The following PIGN variants were observed in gnomAD, a reference collection of about 807,000 sequenced individuals.
PIGN encodes phosphatidylinositol glycan anchor biosynthesis class N, also known as GPI ethanolamine phosphate transferase 1.
PIGN carries 117 observed loss-of-function variants against 125.4 expected under a neutral mutation model. That is an observed-to-expected ratio of 0.93 (90% CI 0.80 to 1.09). PIGN has a LOEUF of 1.09. Ranked by LOEUF, PIGN falls within the 50% of genes least tolerant of loss-of-function variation. The pLI is 0.00. For missense variants in PIGN, 1,075 were observed against 1,094.9 expected (o/e 0.98, Z 0.26); for synonymous variants, 392 against 377.8 (o/e 1.04, Z -0.44).
At chr18:62,134,264 G>A (rs1019676217) in intron 14 of PIGN, among the ~76,000 whole-genome samples, 3 of 152,024 alleles carry the variant, frequency 2.0e-5, no homozygotes, top group African/African-American at 7.2e-5. Context: ...GTGGTGGCGT[G>A]CTTGTAAGCC....
chr18:62,144,361 T>C (rs776174386), intron 10 of PIGN, among the ~76,000 whole-genome samples: 1 of 152,234 alleles, frequency 6.6e-6, no homozygotes, highest in Non-Finnish European at 1.5e-5. Flanking sequence ...GCTTTAATGA[T>C]AGAGCACTGC....
intron 22 of PIGN, among the ~76,000 whole-genome samples, chr18:62,100,521 TG>T (rs1599519366): frequency 6.6e-6 from 1 of 152,240 alleles, no homozygotes; most frequent in Admixed American, 6.5e-5. Flanking sequence ...GCTCAAAACT[TG>T]CTCTTGTCTT....
chr18:62,048,491 T>A (rs1176873593), intron 30 of PIGN, among the ~76,000 whole-genome samples: 3 of 152,034 alleles, frequency 2.0e-5, no homozygotes, highest in Non-Finnish European at 4.4e-5. Context: ...ACAGCAGATT[T>A]CTCATCAGAA....
intron 14 of PIGN, chr18:62,136,995 T>C (rs1216656214): frequency 2.5e-6 from 1 of 397,852 alleles, no homozygotes; most frequent in Non-Finnish European, 4.4e-6. Context: ...GGATGTAAAG[T>C]ATTGTTCCTG....
chr18:62,047,456 T>C (rs762773704), intron 30 of PIGN, among the ~76,000 whole-genome samples: 1 of 152,092 alleles, frequency 6.6e-6, no homozygotes, highest in Non-Finnish European at 1.5e-5. Flanking sequence ...CACTCAGAGG[T>C]AGAAAGGCCA....
chr18:62,073,479 T>C (rs113617467), intron 29 of PIGN, among the ~76,000 whole-genome samples: 18 of 152,212 alleles, frequency 1.2e-4, no homozygotes, highest in African/African-American at 1.7e-4. Context: ...TAAGAGAAGA[T>C]GTCAATCAAA....
intron 12 of PIGN, 65 bp downstream of exon 12, chr18:62,140,355 G>T: frequency 5.7e-6 from 4 of 703,540 alleles, no homozygotes; most frequent in Non-Finnish European, 9.5e-6. Context: ...ATAAAAAAGA[G>T]TACATTTTAC....
chr18:62,138,520 A>G (rs1029760519), intron 13 of PIGN, among the ~76,000 whole-genome samples: 1 of 152,202 alleles, frequency 6.6e-6, no homozygotes, highest in Non-Finnish European at 1.5e-5. Context: ...GCAAAGTAAC[A>G]TACTGTAATT....
intron 14 of PIGN, among the ~76,000 whole-genome samples, chr18:62,130,931 G>A (rs1942439): frequency 0.76 from 115,327 of 152,060 alleles, 43,871 homozygotes; most frequent in East Asian, 0.91. Context: ...ATATAGAATC[G>A]TATCACCCTT....
At position 62,074,799 on chromosome 18, in the gene PIGN, T is replaced by C. The variant is rs1325419048; in HGVS notation, c.2599A>G (p.Ile867Val). The stretch of plus-strand genomic sequence containing the variant: ...CTTACCAAAGCCATAATGTCTGATA[T>C]GACGAGAACAATGAGAAAAAGGCTG... ...SKSLFLIVLVISDIMALHFFF... is the reference protein window; with the variant it reads ...SKSLFLIVLVVSDIMALHFFF... The change falls in exon 29 of 31, where the codon ATA becomes GTA. Residue 867 changes from isoleucine (I) to valine (V), a missense_variant. Ile to Val is a conservative substitution (Grantham distance 29). Coordinates refer to ENST00000640252, the MANE Select transcript of PIGN (RefSeq NM_176787.5). 1 of 1,606,576 alleles carries C rather than the reference T, an allele frequency of 6.2e-7. No individual in the cohort carries two copies. Among genetic ancestry groups the C allele is most frequent in the Non-Finnish European group, 8.5e-7 (1 of 1,174,392 alleles).
At chr18:62,146,621 G>A (rs1275745671) in intron 9 of PIGN, among the ~76,000 whole-genome samples, 1 of 152,116 alleles carries the variant, frequency 6.6e-6, no homozygotes, top group Non-Finnish European at 1.5e-5. Context: ...GCTTACCCGG[G>A]ACAGAATTTC....
chr18:62,133,483 T>C (rs2035813902), intron 14 of PIGN, among the ~76,000 whole-genome samples: 1 of 152,234 alleles, frequency 6.6e-6, no homozygotes, highest in Non-Finnish European at 1.5e-5. Flanking sequence ...GAATTTATTT[T>C]TGATATAAAT....
intron 30 of PIGN, chr18:62,052,222 T>C (rs1159265797): frequency 6.6e-6 from 1 of 151,922 alleles, no homozygotes; most frequent in African/African-American, 2.4e-5. Flanking sequence ...TTAGGTCCAC[T>C]TGGTGCAGAG....
chr18:62,040,344 G>A (rs2030337490), downstream of PIGN, among the ~76,000 whole-genome samples: 1 of 152,170 alleles, frequency 6.6e-6, no homozygotes. Context: ...TGTCTCTACA[G>A]GCTTCTCTTG....
chr18:62,065,920 G>C (rs2032492279), intron 30 of PIGN, among the ~76,000 whole-genome samples: 1 of 152,096 alleles, frequency 6.6e-6, no homozygotes. Flanking sequence ...GGATGCTGCA[G>C]CCAAGGAAAA....
intron 25 of PIGN, among the ~76,000 whole-genome samples, chr18:62,085,950 C>G (rs185912420): frequency 1.4e-4 from 21 of 152,210 alleles, no homozygotes; most frequent in Admixed American, 3.3e-4. Context: ...TGAGGCAACG[C>G]CGAAGAGGAA....
chr18:62,096,028 C>G (rs1220482130), intron 22 of PIGN, 78 bp from the exon 23 acceptor site: 2 of 826,470 alleles, frequency 2.4e-6, no homozygotes, highest in Admixed American at 2.1e-5. Context: ...GGCGTGGTGG[C>G]TCACACCTGT....
Position 62,062,882 on chromosome 18 carries a change from C to CTTTTTTTTTTTTTT in PIGN, c.2672+9777_2672+9790dup, listed in dbSNP as rs71160811. ...ATTTGTTTTATGCTTTTGTATTCTGCTTTTTTTTTTTTTTTTTTTTTTTTT... is the reference window on the plus strand; with the variant it reads ...ATTTGTTTTATGCTTTTGTATTCTGCTTTTTTTTTTTTTTTTTTTTTTTTTTTTTTTTTTTTTTT... On this transcript the variant is annotated intron_variant, in intron 30 of 30. Transcript: ENST00000640252. 4.7e-4 allele frequency among the ~76,000 whole-genome samples: 10 copies of CTTTTTTTTTTTTTT among 21,066 alleles called. 2 individuals carry two copies. Among genetic ancestry groups the CTTTTTTTTTTTTTT allele is most frequent in the Non-Finnish European group, 7.1e-4 (9 of 12,684 alleles). The allele number at this position is 21,066 out of a possible 152,430, so 13.8% of individuals were successfully genotyped here.
chr18:62,046,603 C>T (rs1420076474), intron 30 of PIGN, among the ~76,000 whole-genome samples: 2 of 151,440 alleles, frequency 1.3e-5, no homozygotes, highest in Non-Finnish European at 1.5e-5. Flanking sequence ...AAATTGTCTT[C>T]CATGAAACTA....
Sources: allele counts gnomAD v4.1 joint callset (sites outside exome capture counted in the v4.1 genomes callset), GRCh38; gene constraint gnomAD v4.1.1; transcripts MANE v1.5; gene names NCBI Gene and HGNC (gene_info 2026-07-23, HGNC 2026-07-21).